Variants in ZHX3 observed in about 807,000 individuals in gnomAD.
ZHX3 encodes zinc fingers and homeoboxes 3, also known as zinc fingers and homeoboxes protein 3.
A neutral mutation model predicts 64.5 loss-of-function variants in ZHX3; 20 were observed. That is an observed-to-expected ratio of 0.31 (90% CI 0.22 to 0.45). ZHX3 has a LOEUF of 0.45. Among genes scored for constraint, ZHX3 ranks in the 20% least tolerant of loss-of-function variants. The pLI is 1.00. For synonymous variants in ZHX3, 423 were observed against 461.6 expected (o/e 0.92, Z 1.07); for missense variants, 1,041 against 1,195.8 (o/e 0.87, Z 1.91).
At chr20:41,218,851 A>C (rs2039732120) in intron 2 of ZHX3, among the ~76,000 whole-genome samples, 1 of 151,162 alleles carries the variant, frequency 6.6e-6, no homozygotes, top group African/African-American at 2.4e-5. Flanking sequence ...TAATTTCTGC[A>C]TTTAGTAATC....
intron 1 of ZHX3, among the ~76,000 whole-genome samples, chr20:41,296,232 T>TTAA (rs2044514054): frequency 9.6e-5 from 7 of 72,972 alleles, no homozygotes; most frequent in Non-Finnish European, 3.0e-5. Flanking sequence ...GTTCATAAAG[T>TTAA]AAAAAAAAAA....
At position 41,228,882 on chromosome 20, in the gene ZHX3, G is replaced by A. The variant is rs924011341; in HGVS notation, c.-150-23816C>T. Among the ~76,000 whole-genome samples, 3 of 152,046 alleles carry A rather than the reference G, an allele frequency of 2.0e-5. No homozygotes were observed. The highest frequency in any genetic ancestry group is 4.4e-5 in the Non-Finnish European group (3 of 67,996). ...ACTTAACATCTTTTCTTGGTAGAGG[G>A]ACTTTTAGAAATTGTGGTAAAATAC... On this transcript the variant is annotated intron_variant, in intron 2 of 3. Transcript: ENST00000683867. This position sits in a 1 kb window ranked among gnomAD's most constrained non-coding sequence, Gnocchi z 4.6.
rs189590978 is a variant in ZHX3 at position 41,293,751 on chromosome 20, G to C, written c.-245+23758C>G. On this transcript the variant is annotated intron_variant, in intron 1 of 3. Transcript: ENST00000683867. ...TGAACTGAAGGATCTTAAACCTGAA[G>C]AAGAGGTGACAATGTGGGGACATCA... Among the ~76,000 whole-genome samples, 7 of 152,316 alleles carry C rather than the reference G, an allele frequency of 4.6e-5. No individual in the cohort carries two copies. In the East Asian group the frequency reaches 9.6e-4, roughly 21 times the overall value.
At chr20:41,188,365 T>G (rs2036701302) in intron 3 of ZHX3, 2 of 151,974 alleles carry the variant, frequency 1.3e-5, no homozygotes, top group South Asian at 4.2e-4. Flanking sequence ...TCTTCTTTTG[T>G]GAATTGTCTA....
intron 1 of ZHX3, among the ~76,000 whole-genome samples, chr20:41,300,367 T>C (rs547967853): frequency 5.3e-5 from 8 of 152,184 alleles, no homozygotes; most frequent in Admixed American, 1.3e-4. Context: ...GAATATATTA[T>C]ACCAGAATTC....
chr20:41,203,335 T>C lies in ZHX3; in HGVS notation c.1582A>G (p.Thr528Ala). Reference sequence around the variant, plus strand: ...CTGGTACTGAGGCCCGTCACTTTTGTGAGATGTTCAACTTCGCTCTGCCCT... The same window carrying C: ...CTGGTACTGAGGCCCGTCACTTTTGCGAGATGTTCAACTTCGCTCTGCCCT... The part of the protein sequence containing the change: ...FPGQSEVEHL[T>A]KVTGLSTREV... Residue 528 changes from threonine to alanine, a missense_variant, in exon 3 of 4, where the codon ACA becomes GCA. Around this residue, in one of 4 missense-constraint regions of ZHX3, gnomAD observed 649 missense variants for 739.8 expected, o/e 0.88. Transcript: ENST00000683867. This position sits in a 1 kb window ranked among gnomAD's most constrained non-coding sequence, Gnocchi z 7.1. 6.2e-7 allele frequency: 1 copy of C among 1,614,158 alleles called. No individual in the cohort carries two copies. Among genetic ancestry groups the C allele is most frequent in the Non-Finnish European group, 8.5e-7 (1 of 1,179,990 alleles).
At chr20:41,262,618 C>T (rs2042618695) in intron 2 of ZHX3, among the ~76,000 whole-genome samples, 1 of 152,236 alleles carries the variant, frequency 6.6e-6, no homozygotes, top group Admixed American at 6.5e-5. Context: ...CTGATTTGCA[C>T]ATCATGCCAC....
intron 2 of ZHX3, among the ~76,000 whole-genome samples, chr20:41,265,381 T>C (rs536245635): frequency 3.9e-5 from 6 of 152,192 alleles, no homozygotes; most frequent in South Asian, 2.1e-4. Flanking sequence ...TTTGTATTTT[T>C]AGTAGAGATA....
chr20:41,230,321 C>G (rs2040523794), intron 2 of ZHX3, among the ~76,000 whole-genome samples: 1 of 152,060 alleles, frequency 6.6e-6, no homozygotes, highest in Non-Finnish European at 1.5e-5. Flanking sequence ...TGGAGAGCAA[C>G]AGCTAACGTC....
intron 1 of ZHX3, among the ~76,000 whole-genome samples, chr20:41,305,733 G>A (rs190487876): frequency 4.2e-4 from 63 of 148,430 alleles, no homozygotes; most frequent in African/African-American, 1.4e-3. Context: ...GCAGTGAGCC[G>A]AGATCGCGCC....
chr20:41,234,529 CAAGTT>C (rs2040833564), intron 2 of ZHX3, among the ~76,000 whole-genome samples: 1 of 152,172 alleles, frequency 6.6e-6, no homozygotes, highest in African/African-American at 2.4e-5. Flanking sequence ...TTCCTGTCCT[CAAGTT>C]AAGAGTGACC....
chr20:41,299,958 T>C (rs536684046), intron 1 of ZHX3: 2 of 152,172 alleles, frequency 1.3e-5, no homozygotes, highest in African/African-American at 4.8e-5. Flanking sequence ...GATGTATGAT[T>C]TGTATACCTA....
chr20:41,309,780 A>T (rs911083613), intron 1 of ZHX3, among the ~76,000 whole-genome samples: 1 of 152,020 alleles, frequency 6.6e-6, no homozygotes, highest in African/African-American at 2.4e-5. Context: ...ATATCCTACA[A>T]TCCTTCTGAT....
intron 2 of ZHX3, among the ~76,000 whole-genome samples, chr20:41,220,779 G>A (rs926543028): frequency 4.0e-5 from 6 of 151,500 alleles, no homozygotes; most frequent in Admixed American, 6.6e-5. Flanking sequence ...CTGCAGCCTC[G>A]ACCTCCCAGA....
chr20:41,266,980 G>C (rs572127195), intron 2 of ZHX3, among the ~76,000 whole-genome samples: 1 of 151,706 alleles, frequency 6.6e-6, no homozygotes, highest in Non-Finnish European at 1.5e-5. Context: ...AAGTAGCTGG[G>C]ATTACAGGCG....
At chr20:41,215,770 T>C (rs1339457961) in intron 2 of ZHX3, among the ~76,000 whole-genome samples, 1 of 101,166 alleles carries the variant, frequency 9.9e-6, no homozygotes, top group Non-Finnish European at 1.9e-5. Context: ...ACGTCTCTAC[T>C]AAAAAAAAAA....
At chr20:41,279,571 G>A (rs1231421153) in intron 1 of ZHX3, among the ~76,000 whole-genome samples, 1 of 152,010 alleles carries the variant, frequency 6.6e-6, no homozygotes, top group Non-Finnish European at 1.5e-5. Flanking sequence ...CATAAATAAT[G>A]ATTAACTTAG....
intron 3 of ZHX3, among the ~76,000 whole-genome samples, chr20:41,192,712 G>A (rs1314242650): frequency 1.3e-5 from 2 of 152,234 alleles, no homozygotes; most frequent in African/African-American, 4.8e-5. Context: ...AGGGACTCCA[G>A]GACAGTGTAC....
intron 2 of ZHX3, among the ~76,000 whole-genome samples, chr20:41,249,075 T>C (rs1286664470): frequency 6.6e-6 from 1 of 152,216 alleles, no homozygotes; most frequent in Non-Finnish European, 1.5e-5. Context: ...TTCCACTATA[T>C]AGGATTTCTC....
Sources: allele counts gnomAD v4.1 joint callset (sites outside exome capture counted in the v4.1 genomes callset), GRCh38; gene constraint gnomAD v4.1.1; regional missense constraint gnomAD v4.1.1; non-coding constraint Gnocchi (gnomAD v3.1); transcripts MANE v1.5; gene names NCBI Gene and HGNC (gene_info 2026-07-23, HGNC 2026-07-21).